The following SNCAIP variants were observed in gnomAD, a reference collection of about 807,000 sequenced individuals.
The protein encoded by SNCAIP is synphilin-1.
A neutral mutation model predicts 86.7 loss-of-function variants in SNCAIP; 43 were observed. The ratio of observed to expected loss-of-function variants is 0.50; its 90% CI spans 0.39 to 0.64. The LOEUF is 0.64. SNCAIP is among the 30% of genes least tolerant of loss of function. SNCAIP has a pLI of 0.00. For missense variants in SNCAIP, 981 were observed against 1,103.1 expected, an observed-to-expected ratio of 0.89 and a Z score of 1.57; for synonymous variants, 417 against 427.2, an observed-to-expected ratio of 0.98 and a Z score of 0.29.
intron 6 of SNCAIP, among the ~76,000 whole-genome samples, chr5:122,435,306 A>C (rs146401711): frequency 9.2e-5 from 14 of 152,306 alleles, no homozygotes; most frequent in African/African-American, 3.1e-4. Context: ...TTGCTGGCAA[A>C]ACAATTGAGA....
In SNCAIP at chr5:122,353,438, G is replaced by GAA. The variant is rs1440490558; in HGVS notation, c.-46-37651_-46-37650insAA. ...ATAATAAAAGTTATGACATAATTAA[G>GAA]CAAAAAAAAAAAAAAAAGACAACTG... On this transcript the variant is annotated intron_variant, in intron 1 of 10. Transcript: ENST00000261368. 4.1e-3 allele frequency among the ~76,000 whole-genome samples: 438 copies of GAA among 106,136 alleles called. 3 individuals carry two copies. The highest frequency in any genetic ancestry group is 0.016 in the African/African-American group (409 of 25,248). 69.6% of individuals were successfully genotyped at this position (106,136 alleles called of 152,430 possible).
chr5:122,322,881 T>G (rs909085502), intron 1 of SNCAIP, among the ~76,000 whole-genome samples: 3 of 152,250 alleles, frequency 2.0e-5, no homozygotes, highest in Non-Finnish European at 2.9e-5. Flanking sequence ...TTGGGAATGC[T>G]GCTTTCATTT....
At chr5:122,345,065 G>T (rs753911169) in intron 1 of SNCAIP, among the ~76,000 whole-genome samples, 6 of 152,158 alleles carry the variant, frequency 3.9e-5, no homozygotes, top group Admixed American at 3.9e-4. Context: ...TCCCAACAAG[G>T]TAGAGAATGC....
In SNCAIP at chr5:122,393,497, C is replaced by A. The variant is rs78639637; in HGVS notation, c.57+2306C>A. The stretch of plus-strand genomic sequence containing the variant: ...TAGCCACAACACTTTACTGCTTCTC[C>A]GGGATGAATATAGTTTATTGCAGTG... On this transcript the variant is annotated intron_variant, in intron 2 of 10. Coordinates refer to ENST00000261368, the MANE Select transcript of SNCAIP (RefSeq NM_005460.4). Among the ~76,000 whole-genome samples, 22 of 152,248 alleles carry A rather than the reference C, an allele frequency of 1.4e-4. No homozygotes were observed. In the East Asian group the frequency reaches 4.3e-3, roughly 29 times the overall value.
intron 4 of SNCAIP, among the ~76,000 whole-genome samples, chr5:122,424,591 T>A (rs934252733): frequency 2.0e-5 from 3 of 152,242 alleles, no homozygotes; most frequent in Admixed American, 6.5e-5. Context: ...TAGGGTAATA[T>A]AATTGAATAA....
chr5:122,464,103 A>G lies in SNCAIP; in HGVS notation c.*607A>G, dbSNP rs1006306626. 1 of 152,180 alleles carries G rather than the reference A, an allele frequency of 6.6e-6. No homozygotes were observed. Among genetic ancestry groups the G allele is most frequent in the Non-Finnish European group, 1.5e-5 (1 of 68,050 alleles). The allele number at this position is 152,180 out of a possible 1,614,324, so 9.4% of individuals were successfully genotyped here. A position where few individuals can be genotyped will look rare whatever the true frequency, so the allele number is the denominator to read the frequency against. The stretch of plus-strand genomic sequence containing the variant: ...TTTCTAACAAATCTGTGATGTTCTG[A>G]TTTCTAAGGGACTTTGCAAGTATTT... On this transcript the variant is annotated 3_prime_UTR_variant, in exon 11 of 11. Transcript: ENST00000261368.
chr5:122,363,887 A>T (rs1395919619), intron 1 of SNCAIP, among the ~76,000 whole-genome samples: 1 of 151,850 alleles, frequency 6.6e-6, no homozygotes, highest in Non-Finnish European at 1.5e-5. Flanking sequence ...CAGTTATGCA[A>T]TCGTAGTTCA....
At chr5:122,424,551 C>T (rs1382704913) in intron 4 of SNCAIP, among the ~76,000 whole-genome samples, 1 of 152,186 alleles carries the variant, frequency 6.6e-6, no homozygotes, top group East Asian at 1.9e-4. Context: ...GTACAATGTA[C>T]TTGCTCTATT....
At chr5:122,420,293 G>A (rs186426917) in intron 3 of SNCAIP, among the ~76,000 whole-genome samples, 71 of 152,210 alleles carry the variant, frequency 4.7e-4, no homozygotes, top group African/African-American at 1.7e-3. Context: ...AAAACAGCTG[G>A]GAAACATATG....
intron 6 of SNCAIP, among the ~76,000 whole-genome samples, chr5:122,437,580 A>G (rs532483368): frequency 2.4e-4 from 36 of 152,312 alleles, no homozygotes; most frequent in African/African-American, 8.2e-4. Context: ...TGTCCAACAT[A>G]AAACCCAAGA....
chr5:122,396,921 A>G (rs896245902), intron 2 of SNCAIP, among the ~76,000 whole-genome samples: 53 of 152,172 alleles, frequency 3.5e-4, no homozygotes, highest in African/African-American at 1.2e-3. Flanking sequence ...TGCTTGTATA[A>G]TTATGATTAC....
At chr5:122,459,684 C>G (rs1326398618) in intron 10 of SNCAIP, among the ~76,000 whole-genome samples, 2 of 152,124 alleles carry the variant, frequency 1.3e-5, no homozygotes, top group East Asian at 1.9e-4. Flanking sequence ...CACAGCACCT[C>G]TTATATTAAA....
intron 1 of SNCAIP, among the ~76,000 whole-genome samples, chr5:122,329,759 G>A (rs1271165392): frequency 6.6e-6 from 1 of 152,054 alleles, no homozygotes; most frequent in Non-Finnish European, 1.5e-5. Context: ...AATTATAAAG[G>A]TACATACAAA....
chr5:122,349,896 A>G (rs1759417166), intron 1 of SNCAIP, among the ~76,000 whole-genome samples: 1 of 152,188 alleles, frequency 6.6e-6, no homozygotes, highest in Admixed American at 6.6e-5. Context: ...TCTCCTGGCA[A>G]GTCTGAAGAC....
chr5:122,436,147 A>G (rs1014194978), intron 6 of SNCAIP, among the ~76,000 whole-genome samples: 3 of 152,094 alleles, frequency 2.0e-5, no homozygotes, highest in Admixed American at 2.0e-4. Context: ...AACTGTCTCC[A>G]TTGTCATCCT....
chr5:122,400,663 T>C (rs1173249080), intron 2 of SNCAIP, among the ~76,000 whole-genome samples: 1 of 152,196 alleles, frequency 6.6e-6, no homozygotes, highest in East Asian at 1.9e-4. Flanking sequence ...TGGCCTTGCC[T>C]TGTGAAATGG....
At chr5:122,415,724 G>A (rs901150417) in intron 3 of SNCAIP, among the ~76,000 whole-genome samples, 2 of 152,124 alleles carry the variant, frequency 1.3e-5, no homozygotes, top group African/African-American at 4.8e-5. Flanking sequence ...TGTGCGTGCT[G>A]CACGGCCAGA....
chr5:122,373,679 A>G (rs1440032944), intron 1 of SNCAIP, among the ~76,000 whole-genome samples: 6 of 152,146 alleles, frequency 3.9e-5, no homozygotes, highest in Non-Finnish European at 8.8e-5. Context: ...CTTATTAAAA[A>G]CTTGGTGGTG....
intron 1 of SNCAIP, among the ~76,000 whole-genome samples, chr5:122,380,393 T>C (rs1766442177): frequency 6.6e-6 from 1 of 152,104 alleles, no homozygotes; most frequent in African/African-American, 2.4e-5. Flanking sequence ...GATATCCCCT[T>C]TATCATTTTT....
Sources: gnomAD v4.1 joint callset for allele counts (sites outside exome capture counted in the v4.1 genomes callset) on GRCh38, gnomAD v4.1.1 for gene constraint, MANE v1.5 for transcripts, NCBI Gene and HGNC (gene_info 2026-07-23, HGNC 2026-07-21) for gene names.